Variants in FBXW8 observed in about 807,000 individuals in gnomAD.
FBXW8 encodes F-box and WD repeat domain containing 8.
Under a neutral mutation model 65.3 loss-of-function variants are expected in FBXW8, and 57 were observed. The ratio of observed to expected loss-of-function variants is 0.87; its 90% CI spans 0.71 to 1.09. The LOEUF (loss-of-function observed/expected upper bound fraction) is 1.09, where lower values mean the gene tolerates loss of function less well. FBXW8 is among the 50% of genes least tolerant of loss of function. FBXW8 has a pLI of 0.00. For missense variants in FBXW8, 777 were observed against 814.8 expected (o/e 0.95, Z 0.57); for synonymous variants, 308 against 330.2 (o/e 0.93, Z 0.73).
chr12:117,001,860 T>G (rs1028390919), intron 7 of FBXW8, among the ~76,000 whole-genome samples: 2 of 152,226 alleles, frequency 1.3e-5, no homozygotes, highest in African/African-American at 4.8e-5. Flanking sequence ...ATGATCACAT[T>G]TCTTACCCTT....
intron 6 of FBXW8, 33 bp downstream of exon 6, chr12:116,985,435 A>C (rs780823964): frequency 1.3e-6 from 2 of 1,597,300 alleles, no homozygotes; most frequent in Non-Finnish European, 1.7e-6. Flanking sequence ...CTTATTTTCT[A>C]TTCTTAGAAT....
intron 6 of FBXW8, among the ~76,000 whole-genome samples, chr12:116,988,313 A>G (rs1953149451): frequency 6.6e-6 from 1 of 152,198 alleles, no homozygotes; most frequent in Admixed American, 6.5e-5. Flanking sequence ...TTATATCCCC[A>G]CCAGCAGTAA....
chr12:117,018,497 T>C (rs993223842), intron 8 of FBXW8, among the ~76,000 whole-genome samples: 2 of 152,242 alleles, frequency 1.3e-5, no homozygotes, highest in Non-Finnish European at 2.9e-5. Context: ...CATTCGGGCC[T>C]GTGCTGCGCG....
In FBXW8 at chr12:116,976,558, C is replaced by T. The variant is rs12316781; in HGVS notation, c.836-8648C>T. Among the ~76,000 whole-genome samples the T allele has an allele frequency of 4.8e-3, 701 of 147,338 alleles. 8 individuals carry two copies. Among genetic ancestry groups the T allele is most frequent in the African/African-American group, 0.017 (678 of 39,494 alleles). ...GCAACCTCCACCTCCCAGGTTCAAG[C>T]GATTCTTCTGCCTCAGCCTCCTGAG... On this transcript the variant is annotated intron_variant, in intron 5 of 10. Transcript: ENST00000652555.
chr12:116,976,452 T>C (rs1014540291), intron 5 of FBXW8, among the ~76,000 whole-genome samples: 1 of 30,328 alleles, frequency 3.3e-5, no homozygotes, highest in African/African-American at 4.5e-5. Flanking sequence ...AAAGGATCCT[T>C]TTTTTTTTTT....
In FBXW8 at chr12:117,010,400, C is replaced by T; in HGVS notation, c.1317C>T (p.Asn439=). Reference sequence around the variant, plus strand: ...TTCTCCGTGACTTCACGTGTGTCAACCTCAGCGACAGCCCTCCCAACCTCA... The same window carrying T: ...TTCTCCGTGACTTCACGTGTGTCAATCTCAGCGACAGCCCTCCCAACCTCA... ...GNVLRDFTCV[N]LSDSPPNLMV... The change falls in exon 8 of 11, where the codon AAC becomes AAT. Residue 439 remains asparagine, a synonymous_variant. Transcript: ENST00000652555. 6.2e-7 allele frequency: 1 copy of T among 1,614,246 alleles called. No homozygotes were observed. The highest frequency in any genetic ancestry group is 8.5e-7 in the Non-Finnish European group (1 of 1,180,046).
intron 1 of FBXW8, among the ~76,000 whole-genome samples, chr12:116,917,006 A>C (rs994957058): frequency 4.6e-5 from 7 of 152,066 alleles, no homozygotes; most frequent in Non-Finnish European, 7.4e-5. Flanking sequence ...GAGTTACAAG[A>C]GCAGCAAGAG....
At chr12:116,911,920 C>T (rs1879978646) in intron 1 of FBXW8, among the ~76,000 whole-genome samples, 2 of 152,128 alleles carry the variant, frequency 1.3e-5, no homozygotes, top group Admixed American at 1.3e-4. Flanking sequence ...CTCCTGGGCA[C>T]TTTCATTAGG....
At chr12:116,938,360 G>A (rs1565904779) in intron 2 of FBXW8, among the ~76,000 whole-genome samples, 1 of 151,908 alleles carries the variant, frequency 6.6e-6, no homozygotes, top group Non-Finnish European at 1.5e-5. Context: ...TTTTTTATTT[G>A]TTATCCAGGA....
intron 4 of FBXW8, 35 bp downstream of exon 4, chr12:116,949,741 C>CTGAA (rs748755801): frequency 3.1e-6 from 5 of 1,594,284 alleles, no homozygotes; most frequent in Non-Finnish European, 4.3e-6. Context: ...TGCTCTGCAT[C>CTGAA]TGAAGGTCTT....
chr12:117,028,338 C>A lies in FBXW8; in HGVS notation c.*166C>A, dbSNP rs987423451. The A allele has an allele frequency of 1.5e-5, 12 of 821,616 alleles. No homozygotes were observed. Among genetic ancestry groups the A allele is most frequent in the Non-Finnish European group, 2.0e-5 (11 of 538,906 alleles). 50.9% of individuals were successfully genotyped at this position (821,616 alleles called of 1,614,324 possible). On this transcript the variant is annotated 3_prime_UTR_variant, in exon 11 of 11. Coordinates refer to ENST00000652555, the MANE Select transcript of FBXW8 (RefSeq NM_153348.3). The surrounding 1 kb of genome is among the most constrained non-coding windows in gnomAD (Gnocchi z 4.1). ...TCCCTGACCCCTGCACTTCCCCCAG[C>A]GCCTGGGGCAAGCTGGCGTGTGCCA...
intron 5 of FBXW8, among the ~76,000 whole-genome samples, chr12:116,980,981 G>A (rs1885266945): frequency 6.6e-6 from 1 of 151,930 alleles, no homozygotes; most frequent in African/African-American, 2.4e-5. Context: ...GTTTTATTTT[G>A]TCTTATTCAC....
At chr12:116,923,720 T>TAA (rs1224815153) in intron 1 of FBXW8, among the ~76,000 whole-genome samples, 12 of 145,536 alleles carry the variant, frequency 8.2e-5, no homozygotes, top group African/African-American at 2.7e-4. Flanking sequence ...ATTAATTAAT[T>TAA]TATTTATTTA....
At chr12:116,962,485 T>TG (rs956871284) in intron 4 of FBXW8, among the ~76,000 whole-genome samples, 2 of 152,102 alleles carry the variant, frequency 1.3e-5, no homozygotes, top group Admixed American at 6.6e-5. Context: ...CTGTGTCCCC[T>TG]GGGGGGGCAC....
intron 9 of FBXW8, among the ~76,000 whole-genome samples, chr12:117,026,606 T>G (rs1466317587): frequency 3.2e-5 from 4 of 126,156 alleles, no homozygotes; most frequent in Non-Finnish European, 6.2e-5. Context: ...TGTGCACCCC[T>G]CCCAGCCCAC....
intron 1 of FBXW8, among the ~76,000 whole-genome samples, chr12:116,914,302 G>C (rs1258503696): frequency 6.6e-6 from 1 of 151,886 alleles, no homozygotes; most frequent in Non-Finnish European, 1.5e-5. Context: ...TTTGTGGCTG[G>C]GCAAGGTGGC....
At chr12:117,007,869 C>T (rs1336806242) in intron 7 of FBXW8, among the ~76,000 whole-genome samples, 2 of 151,844 alleles carry the variant, frequency 1.3e-5, no homozygotes, top group Admixed American at 6.6e-5. Flanking sequence ...TTAAGGGACT[C>T]GTAACGTGGA....
intron 4 of FBXW8, among the ~76,000 whole-genome samples, chr12:116,955,382 A>G (rs765203134): frequency 3.9e-5 from 6 of 152,162 alleles, no homozygotes; most frequent in African/African-American, 9.7e-5. Context: ...CATTTCTGTA[A>G]CTTGAGAAAA....
At chr12:116,926,912 C>T (rs1036207595) in intron 1 of FBXW8, among the ~76,000 whole-genome samples, 1 of 152,104 alleles carries the variant, frequency 6.6e-6, no homozygotes, top group African/African-American at 2.4e-5. Flanking sequence ...TAAATCAGTG[C>T]TTGGACTCCC....
Sources: gnomAD v4.1 joint callset for allele counts (sites outside exome capture counted in the v4.1 genomes callset) on GRCh38, gnomAD v4.1.1 for gene constraint, Gnocchi (gnomAD v3.1) non-coding constraint, MANE v1.5 for transcripts, NCBI Gene and HGNC (gene_info 2026-07-23, HGNC 2026-07-21) for gene names.